DPH6: variants seen among roughly 807,000 people sequenced by gnomAD.
DPH6 encodes diphthamine biosynthesis 6.
A neutral mutation model predicts 38.2 loss-of-function variants in DPH6; 33 were observed. The ratio of observed to expected loss-of-function variants is 0.86; its 90% confidence interval spans 0.65 to 1.15. The LOEUF (loss-of-function observed/expected upper bound fraction) is 1.15. Among genes scored for constraint, DPH6 ranks in the 50% most tolerant of loss-of-function variants. The probability of loss-of-function intolerance (pLI) is 0.00; values close to 1 mark genes in which losing one functional copy is unlikely to be tolerated. For synonymous variants in DPH6, 108 were observed against 103.0 expected (o/e 1.05, Z -0.30); for missense variants, 325 against 320.0 (o/e 1.02, Z -0.12).
At chr15:35,205,672 T>C in the DPH6 span, among the ~76,000 whole-genome samples, 1 of 152,094 alleles carries the variant, frequency 6.6e-6, no homozygotes, top group Non-Finnish European at 1.5e-5. Flanking sequence ...TACACCATTC[T>C]GTTTTATTTC....
chr15:35,513,831 T>C (rs1274059453), intron 3 of DPH6, among the ~76,000 whole-genome samples: 1 of 152,050 alleles, frequency 6.6e-6, no homozygotes, highest in Non-Finnish European at 1.5e-5. Flanking sequence ...AATATATATA[T>C]AATTGACAAG....
intron 5 of DPH6, among the ~76,000 whole-genome samples, chr15:35,443,215 G>T (rs2053810390): frequency 6.6e-6 from 1 of 152,074 alleles, no homozygotes; most frequent in African/African-American, 2.4e-5. Flanking sequence ...CATTAGCATT[G>T]TTATTCTGAA....
intron 3 of DPH6, among the ~76,000 whole-genome samples, chr15:35,300,492 C>T (rs983725342): frequency 1.3e-5 from 2 of 151,980 alleles, no homozygotes; most frequent in Non-Finnish European, 2.9e-5. Context: ...TGAATCGTTC[C>T]GGGACTAAAG....
In DPH6 at chr15:35,527,733, G is replaced by A. The variant is rs573966796; in HGVS notation, c.312+10541C>T. ...GACCGTATGGGGAAGAATGAGTTCC[G>A]ACAATAGTCTAGTTTAGATGGCACG... On this transcript the variant is annotated intron_variant, in intron 3 of 8. Coordinates refer to ENST00000256538, the MANE Select transcript of DPH6 (RefSeq NM_080650.4). 9.9e-5 allele frequency among the ~76,000 whole-genome samples: 15 copies of A among 152,240 alleles called. 1 individual carries two copies. The highest frequency in any genetic ancestry group is 7.7e-4 in the East Asian group (4 of 5,182).
the DPH6 span, among the ~76,000 whole-genome samples, chr15:35,155,419 T>G: frequency 6.6e-6 from 1 of 152,234 alleles, no homozygotes; most frequent in Non-Finnish European, 1.5e-5. Flanking sequence ...AGAAGCACAT[T>G]GAAATCCTTA....
chr15:35,376,075 T>C (rs1482007223), intron 7 of DPH6, among the ~76,000 whole-genome samples: 4 of 152,192 alleles, frequency 2.6e-5, no homozygotes, highest in African/African-American at 7.2e-5. Flanking sequence ...TTCTCCGTTA[T>C]GTGCTTCAGT....
intron 3 of DPH6, among the ~76,000 whole-genome samples, chr15:35,487,624 T>C (rs1382753659): frequency 6.6e-6 from 1 of 152,218 alleles, no homozygotes; most frequent in East Asian, 1.9e-4. Flanking sequence ...AAACCATTTT[T>C]CCCTCCTCGG....
At chr15:35,212,476 G>T (rs1001769880), downstream of DPH6, among the ~76,000 whole-genome samples, 7 of 152,068 alleles carry the variant, frequency 4.6e-5, no homozygotes, top group Admixed American at 4.6e-4. Context: ...GCCCAGGACC[G>T]ATTCAGCCTC....
chr15:35,386,132 A>G (rs963584828), intron 6 of DPH6, among the ~76,000 whole-genome samples: 19 of 152,126 alleles, frequency 1.2e-4, no homozygotes, highest in Non-Finnish European at 2.8e-4. Flanking sequence ...TTTGCTGAGA[A>G]TGATGGTTTC....
chr15:35,455,644 C>T (rs2053986947), intron 3 of DPH6, among the ~76,000 whole-genome samples: 1 of 152,152 alleles, frequency 6.6e-6, no homozygotes, highest in Admixed American at 6.5e-5. Flanking sequence ...TAAGATAATA[C>T]ACTTAGGGAA....
chr15:35,217,141 A>G (rs1160711518), downstream of DPH6, among the ~76,000 whole-genome samples: 3 of 152,358 alleles, frequency 2.0e-5, no homozygotes, highest in East Asian at 5.8e-4. Context: ...TTTTAAAAAT[A>G]AAATGCTAAC....
At chr15:35,334,574 G>A (rs2052352966) in intron 3 of DPH6, among the ~76,000 whole-genome samples, 1 of 151,794 alleles carries the variant, frequency 6.6e-6, no homozygotes, top group Non-Finnish European at 1.5e-5. Context: ...GCCCCCAATA[G>A]GCCCCTGTGT....
At chr15:35,501,159 C>G (rs1221732789) in intron 3 of DPH6, among the ~76,000 whole-genome samples, 1 of 152,162 alleles carries the variant, frequency 6.6e-6, no homozygotes, top group African/African-American at 2.4e-5. Context: ...CGAAATTTCT[C>G]TTTTCACAAT....
chr15:35,290,654 T>C (rs1281405585), intron 3 of DPH6, among the ~76,000 whole-genome samples: 1 of 152,210 alleles, frequency 6.6e-6, no homozygotes, highest in African/African-American at 2.4e-5. Context: ...CCACTGTTAG[T>C]CTGTCTCATT....
At chr15:35,334,252 C>A (rs185183153) in intron 3 of DPH6, among the ~76,000 whole-genome samples, 5 of 152,200 alleles carry the variant, frequency 3.3e-5, no homozygotes, top group African/African-American at 7.2e-5. Flanking sequence ...TCAATTAATT[C>A]TAATACCCTT....
chr15:35,511,106 G>A (rs902028214), intron 3 of DPH6, among the ~76,000 whole-genome samples: 15 of 152,090 alleles, frequency 9.9e-5, no homozygotes, highest in African/African-American at 3.4e-4. Flanking sequence ...GCTCCATCCA[G>A]ACCAACTATA....
intron 3 of DPH6, chr15:35,299,507 G>T: frequency 1.5e-6 from 1 of 686,786 alleles, no homozygotes; most frequent in Non-Finnish European, 2.7e-6. Context: ...CGGCAGCGCG[G>T]AGCCGGGGAG....
chr15:35,475,514 G>T (rs1267624205), intron 3 of DPH6, among the ~76,000 whole-genome samples: 1 of 151,910 alleles, frequency 6.6e-6, no homozygotes, highest in African/African-American at 2.4e-5. Flanking sequence ...GACCATTAAA[G>T]AAACTGCTAT....
chr15:35,317,890 G>A (rs2140838858), intron 3 of DPH6, among the ~76,000 whole-genome samples: 1 of 151,920 alleles, frequency 6.6e-6, no homozygotes, highest in East Asian at 1.9e-4. Context: ...GTATTCCTTA[G>A]CATATGCAGT....
Sources: allele counts gnomAD v4.1 joint callset (sites outside exome capture counted in the v4.1 genomes callset), GRCh38; gene constraint gnomAD v4.1.1; transcripts MANE v1.5; gene names NCBI Gene and HGNC (gene_info 2026-07-23, HGNC 2026-07-21).